PCSK5: variants seen among roughly 807,000 people sequenced by gnomAD.
PCSK5 encodes prohormone convertase 5.
In PCSK5, 129 loss-of-function variants were observed where a neutral mutation model predicts 233.2. The ratio of observed to expected loss-of-function variants is 0.55; its 90% CI spans 0.48 to 0.64. PCSK5 has a LOEUF of 0.64. Among genes scored for constraint, PCSK5 ranks in the 30% least tolerant of loss-of-function variants. The pLI is 0.00. For synonymous variants in PCSK5, 825 were observed against 879.2 expected, an observed-to-expected ratio of 0.94 and a Z score of 1.09; for missense variants, 2,076 against 2,430.1, an observed-to-expected ratio of 0.85 and a Z score of 3.06.
At chr9:76,279,636 T>C (rs1265268343) in intron 24 of PCSK5, among the ~76,000 whole-genome samples, 1 of 151,758 alleles carries the variant, frequency 6.6e-6, no homozygotes, top group Non-Finnish European at 1.5e-5. Flanking sequence ...CTCATTGTGG[T>C]TTTGATTTGC....
intron 34 of PCSK5, among the ~76,000 whole-genome samples, chr9:76,334,294 C>G (rs1051722441): frequency 2.2e-4 from 34 of 152,154 alleles, no homozygotes; most frequent in African/African-American, 8.2e-4. Flanking sequence ...AGAACCAAAC[C>G]ATATCACTGA....
At chr9:76,196,264 T>C (rs1437398096) in intron 20 of PCSK5, among the ~76,000 whole-genome samples, 3 of 152,196 alleles carry the variant, frequency 2.0e-5, no homozygotes, top group African/African-American at 7.2e-5. Flanking sequence ...TATGTGTCTG[T>C]AGGGTTAGGA....
intron 24 of PCSK5, among the ~76,000 whole-genome samples, chr9:76,270,753 C>T (rs185609173): frequency 6.6e-6 from 1 of 152,246 alleles, no homozygotes; most frequent in Non-Finnish European, 1.5e-5. Context: ...GAACAGCATC[C>T]TAAGCCTGTG....
At chr9:75,900,556 G>A (rs1264754292) in intron 1 of PCSK5, among the ~76,000 whole-genome samples, 1 of 151,506 alleles carries the variant, frequency 6.6e-6, no homozygotes, top group East Asian at 2.0e-4. Flanking sequence ...GTCTGTGCTT[G>A]TAGTTGCAGC....
chr9:76,341,388 T>C (rs1829830782), intron 35 of PCSK5, among the ~76,000 whole-genome samples: 1 of 152,246 alleles, frequency 6.6e-6, no homozygotes, highest in Non-Finnish European at 1.5e-5. Context: ...CAAATGTTTC[T>C]ATGAAATCAG....
At chr9:76,218,721 A>G (rs935156944) in intron 20 of PCSK5, among the ~76,000 whole-genome samples, 1 of 152,144 alleles carries the variant, frequency 6.6e-6, no homozygotes, top group African/African-American at 2.4e-5. Flanking sequence ...GAAATATGTG[A>G]TTTGATTAAT....
intron 2 of PCSK5, among the ~76,000 whole-genome samples, chr9:75,961,080 T>A (rs956825491): frequency 1.4e-4 from 21 of 152,238 alleles, no homozygotes; most frequent in African/African-American, 5.1e-4. Flanking sequence ...ACAAAAGAGC[T>A]GTGTGGCTTA....
intron 5 of PCSK5, among the ~76,000 whole-genome samples, chr9:76,030,104 G>T (rs1828592138): frequency 6.6e-6 from 1 of 151,390 alleles, no homozygotes; most frequent in South Asian, 2.1e-4. Context: ...TAGCTCAAAA[G>T]AAGTGTTTTT....
intron 1 of PCSK5, among the ~76,000 whole-genome samples, chr9:75,928,713 G>C (rs1460892782): frequency 6.8e-6 from 1 of 146,988 alleles, no homozygotes; most frequent in African/African-American, 2.5e-5. Context: ...CGCTTTAGCT[G>C]TTATCTTGCA....
intron 24 of PCSK5, among the ~76,000 whole-genome samples, chr9:76,266,782 G>C (rs1437320989): frequency 1.3e-5 from 2 of 152,144 alleles, no homozygotes; most frequent in Non-Finnish European, 1.5e-5. Flanking sequence ...CTACCAGCCA[G>C]TTGCTTCTCT....
At chr9:76,064,237 C>G (rs1269124991) in intron 5 of PCSK5, among the ~76,000 whole-genome samples, 1 of 101,020 alleles carries the variant, frequency 9.9e-6, no homozygotes, top group Admixed American at 9.0e-5. Flanking sequence ...GGGGGGCTGA[C>G]CCCCCCATCT....
chr9:76,197,636 G>A (rs979634441), intron 20 of PCSK5, among the ~76,000 whole-genome samples: 1 of 152,122 alleles, frequency 6.6e-6, no homozygotes, highest in Non-Finnish European at 1.5e-5. Flanking sequence ...AATGGCAGAC[G>A]GCAATGTGTT....
chr9:76,109,328 CT>C (rs1193655893), intron 9 of PCSK5, among the ~76,000 whole-genome samples: 2 of 152,214 alleles, frequency 1.3e-5, no homozygotes, highest in East Asian at 3.9e-4. Flanking sequence ...CATGCTCCCC[CT>C]CAAAGGCTAT....
intron 9 of PCSK5, among the ~76,000 whole-genome samples, chr9:76,132,554 A>G (rs1307566169): frequency 6.6e-6 from 1 of 152,086 alleles, no homozygotes; most frequent in Non-Finnish European, 1.5e-5. Context: ...ATCTGAGACC[A>G]TAACAGAAAA....
chr9:75,891,582 C>T (rs1257268727), intron 1 of PCSK5, among the ~76,000 whole-genome samples: 1 of 151,282 alleles, frequency 6.6e-6, no homozygotes. Context: ...TTGCCGGGTC[C>T]GTGTTTTGTT....
chr9:76,203,661 G>T (rs545308441), intron 20 of PCSK5, among the ~76,000 whole-genome samples: 2 of 152,084 alleles, frequency 1.3e-5, no homozygotes, highest in Non-Finnish European at 2.9e-5. Flanking sequence ...GAGCCGCACC[G>T]TACCCAGCTG....
intron 20 of PCSK5, among the ~76,000 whole-genome samples, chr9:76,198,804 C>A (rs1457492445): frequency 6.6e-6 from 1 of 152,158 alleles, no homozygotes; most frequent in East Asian, 1.9e-4. Flanking sequence ...AGACATAAAA[C>A]ACATGGTTAC....
intron 1 of PCSK5, among the ~76,000 whole-genome samples, chr9:75,924,671 T>G (rs1334220201): frequency 6.6e-6 from 1 of 152,236 alleles, no homozygotes; most frequent in Non-Finnish European, 1.5e-5. Flanking sequence ...ATTCTCTTTT[T>G]GCATCTGCTC....
chr9:76,042,272 T>C (rs945358936), intron 5 of PCSK5, among the ~76,000 whole-genome samples: 5 of 152,252 alleles, frequency 3.3e-5, no homozygotes, highest in Non-Finnish European at 5.9e-5. Flanking sequence ...TTTAGTCTTA[T>C]TCTGATATTC....
Sources: gnomAD v4.1 joint callset for allele counts (sites outside exome capture counted in the v4.1 genomes callset) on GRCh38, gnomAD v4.1.1 for gene constraint, MANE v1.5 for transcripts, NCBI Gene and HGNC (gene_info 2026-07-23, HGNC 2026-07-21) for gene names.